The following SYT14 variants were observed in gnomAD, a reference collection of about 807,000 sequenced individuals.
The protein encoded by SYT14 is synaptotagmin 14.
Under a neutral mutation model 74.2 loss-of-function variants are expected in SYT14, and 32 were observed. That is an observed-to-expected ratio of 0.43 (90% CI 0.33 to 0.58). SYT14 has a LOEUF of 0.58. SYT14 is among the 20% of genes least tolerant of loss of function. SYT14 has a pLI of 0.05. For missense variants in SYT14, 791 were observed against 981.8 expected (o/e 0.81, Z 2.60); for synonymous variants, 298 against 337.7 (o/e 0.88, Z 1.29).
At chr1:210,048,800 C>A (rs1316215032) in intron 5 of SYT14, among the ~76,000 whole-genome samples, 1 of 152,194 alleles carries the variant, frequency 6.6e-6, no homozygotes, top group African/African-American at 2.4e-5. Context: ...CAAGTCAAGT[C>A]CCCTCTGCCT....
intron 7 of SYT14, among the ~76,000 whole-genome samples, chr1:210,100,772 A>C (rs2082049429): frequency 6.6e-6 from 1 of 150,446 alleles, no homozygotes; most frequent in South Asian, 2.2e-4. Flanking sequence ...AAGTCATCCA[A>C]ACTCCTTATA....
intron 1 of SYT14, 32 bp downstream of exon 1, chr1:209,938,309 C>G: frequency 6.5e-7 from 1 of 1,543,594 alleles, no homozygotes; most frequent in South Asian, 1.2e-5. Context: ...GGAGCGAGGA[C>G]CGGGACCACC....
chr1:210,003,624 T>G (rs1324467535), intron 2 of SYT14, among the ~76,000 whole-genome samples: 1 of 152,078 alleles, frequency 6.6e-6, no homozygotes, highest in Admixed American at 6.6e-5. Flanking sequence ...AAAAGACAAG[T>G]TTTTGGTCTT....
At chr1:209,999,318 G>A (rs970998073) in intron 2 of SYT14, among the ~76,000 whole-genome samples, 2 of 152,070 alleles carry the variant, frequency 1.3e-5, no homozygotes, top group Admixed American at 1.3e-4. Context: ...ATGTAAATTA[G>A]TACAGCCACT....
intron 7 of SYT14, among the ~76,000 whole-genome samples, chr1:210,149,359 A>G (rs931826348): frequency 6.6e-6 from 1 of 150,786 alleles, no homozygotes; most frequent in Non-Finnish European, 1.5e-5. Context: ...TAATTTTTGT[A>G]TTTTTAGTAG....
chr1:210,117,690 A>G (rs2082386756), intron 7 of SYT14, among the ~76,000 whole-genome samples: 1 of 152,192 alleles, frequency 6.6e-6, no homozygotes, highest in Admixed American at 6.5e-5. Context: ...AAGAATTGTT[A>G]TCAGATAAAT....
At chr1:210,158,495 T>C (rs1469687456) in intron 8 of SYT14, among the ~76,000 whole-genome samples, 1 of 152,114 alleles carries the variant, frequency 6.6e-6, no homozygotes, top group Non-Finnish European at 1.5e-5. Context: ...TGCTAAAAAA[T>C]AGAATGAAAT....
intron 2 of SYT14, among the ~76,000 whole-genome samples, chr1:209,992,673 T>TA (rs2079714220): frequency 1.4e-5 from 2 of 142,712 alleles, no homozygotes; most frequent in Admixed American, 6.9e-5. Flanking sequence ...CCTGAATTTA[T>TA]AAAAAACAAA....
intron 3 of SYT14, among the ~76,000 whole-genome samples, 160 bp downstream of exon 3, chr1:210,013,957 A>G (rs996052107): frequency 6.6e-6 from 1 of 152,168 alleles, no homozygotes; most frequent in African/African-American, 2.4e-5. Flanking sequence ...ATGTTCAGGT[A>G]TTCTTCTGTT....
intron 7 of SYT14, among the ~76,000 whole-genome samples, chr1:210,104,004 T>C (rs952456565): frequency 1.3e-5 from 2 of 152,240 alleles, no homozygotes; most frequent in Admixed American, 1.3e-4. Context: ...GCAGGAGCTG[T>C]GTGACCTAGA....
At chr1:210,005,103 T>C (rs2079966800) in intron 2 of SYT14, among the ~76,000 whole-genome samples, 1 of 152,034 alleles carries the variant, frequency 6.6e-6, no homozygotes, top group African/African-American at 2.4e-5. Flanking sequence ...ATTGCCTATG[T>C]ATGTGTTCAT....
At chr1:209,998,208 G>A (rs2079832868) in intron 2 of SYT14, among the ~76,000 whole-genome samples, 1 of 151,888 alleles carries the variant, frequency 6.6e-6, no homozygotes, top group African/African-American at 2.4e-5. Flanking sequence ...TTAACCACAG[G>A]TATGGAAAAC....
chr1:209,967,181 A>C (rs1044492111), intron 2 of SYT14, among the ~76,000 whole-genome samples: 4 of 152,134 alleles, frequency 2.6e-5, no homozygotes, highest in Non-Finnish European at 4.4e-5. Context: ...TTCATGATGG[A>C]TTATCCTTTT....
chr1:210,099,968 A>G, intron 6 of SYT14, 44 bp from the exon 6 acceptor site: 5 of 1,548,548 alleles, frequency 3.2e-6, no homozygotes, highest in Non-Finnish European at 3.5e-6. Context: ...GCTAGGTTAA[A>G]TAATTGAGTT....
intron 5 of SYT14, among the ~76,000 whole-genome samples, chr1:210,033,357 G>A (rs61049229): frequency 0.089 from 13,507 of 151,676 alleles, 1,849 homozygotes; most frequent in African/African-American, 0.3. Context: ...ATTAGTTTTG[G>A]GTGAAATGGA....
At chr1:209,958,231 C>CT (rs1392493816) in intron 2 of SYT14, among the ~76,000 whole-genome samples, 1 of 152,142 alleles carries the variant, frequency 6.6e-6, no homozygotes, top group Non-Finnish European at 1.5e-5. Flanking sequence ...TCAAGTTGGT[C>CT]TATTTCTGTT....
At chr1:210,080,958 A>C (rs2081604901) in intron 5 of SYT14, among the ~76,000 whole-genome samples, 3 of 152,168 alleles carry the variant, frequency 2.0e-5, no homozygotes, top group Non-Finnish European at 4.4e-5. Flanking sequence ...TGATTCTTGC[A>C]GGATAATATG....
chr1:210,099,144 C>A (rs1021010002), intron 6 of SYT14, among the ~76,000 whole-genome samples: 9 of 152,076 alleles, frequency 5.9e-5, no homozygotes, highest in African/African-American at 2.2e-4. Context: ...TATTAAAATA[C>A]TTGAAGAGGC....
At chr1:210,086,269 G>C (rs116791016) in intron 5 of SYT14, among the ~76,000 whole-genome samples, 3 of 152,212 alleles carry the variant, frequency 2.0e-5, no homozygotes, top group African/African-American at 7.2e-5. Context: ...CCACTGTAAA[G>C]GTACCCTTCG....
Sources: allele counts gnomAD v4.1 joint callset (sites outside exome capture counted in the v4.1 genomes callset), GRCh38; gene constraint gnomAD v4.1.1; transcripts MANE v1.5; gene names NCBI Gene and HGNC (gene_info 2026-07-23, HGNC 2026-07-21).